The following IWS1 variants were observed in gnomAD, a reference collection of about 807,000 sequenced individuals.
IWS1 encodes interacts with SUPT6H, CTD assembly factor 1, also known as protein IWS1 homolog.
IWS1 carries 27 observed loss-of-function variants against 86.7 expected under a neutral mutation model. The observed-to-expected ratio is 0.31, with a 90% CI of 0.23 to 0.43. The LOEUF (loss-of-function observed/expected upper bound fraction) is 0.43, where lower values mean the gene tolerates loss of function less well. Ranked by LOEUF, IWS1 falls within the 20% of genes least tolerant of loss-of-function variation. The pLI, the probability that IWS1 is intolerant of heterozygous loss-of-function variation, is 1.00. For missense variants in IWS1, 827 were observed against 1,000.8 expected, an observed-to-expected ratio of 0.83 and a Z score of 2.34; for synonymous variants, 313 against 335.1, an observed-to-expected ratio of 0.93 and a Z score of 0.72.
intron 2 of IWS1, among the ~76,000 whole-genome samples, chr2:127,512,153 T>C (rs1232073259): frequency 6.6e-6 from 1 of 152,202 alleles, no homozygotes; most frequent in Non-Finnish European, 1.5e-5. Flanking sequence ...TACTTCTATA[T>C]ATAGATAAAA....
chr2:127,525,659 G>A (rs1053531328), intron 1 of IWS1, among the ~76,000 whole-genome samples: 1 of 152,178 alleles, frequency 6.6e-6, no homozygotes, highest in African/African-American at 2.4e-5. Context: ...AGGAGGAAGA[G>A]GAACGATCTC....
In IWS1 at chr2:127,489,891, T is replaced by G. The variant is rs1391940843; in HGVS notation, c.2100A>C (p.Thr700=). The change falls in exon 11 of 14, where the codon ACA becomes ACC. Residue 700 remains threonine, a synonymous_variant. Transcript: ENST00000295321. This position sits in a 1 kb window ranked among gnomAD's most constrained non-coding sequence, Gnocchi z 4.8. Reference sequence around the variant, plus strand: ...GATCTCTCTGCTCCCTTTCTTCTCTTGTCATTCCTTTGTAGTTTGAGGTAA... The same window carrying G: ...GATCTCTCTGCTCCCTTTCTTCTCTGGTCATTCCTTTGTAGTTTGAGGTAA... ...FGLTSNYKGM[T]REEREQRDLE... 6.2e-7 allele frequency: 1 copy of G among 1,613,174 alleles called. No homozygotes were observed. The highest frequency in any genetic ancestry group is 8.5e-7 in the Non-Finnish European group (1 of 1,179,118).
At chr2:127,482,841 T>G (rs1689703907) in intron 13 of IWS1, 1 of 152,156 alleles carries the variant, frequency 6.6e-6, no homozygotes, top group Non-Finnish European at 1.5e-5. Flanking sequence ...ACGCTACACT[T>G]CCTTAGAAAT....
At chr2:127,518,022 C>G (rs56100618) in intron 2 of IWS1, among the ~76,000 whole-genome samples, 20,665 of 152,016 alleles carry the variant, frequency 0.14, 1,704 homozygotes, top group South Asian at 0.3. Context: ...TTCTATGAGA[C>G]AGAAAGTATA....
rs1690246325 is a variant in IWS1 at position 127,491,880 on chromosome 2, A to C, written c.2047+91T>G. On this transcript the variant is annotated intron_variant, in intron 10 of 13. Transcript: ENST00000295321. ...TCCACTTTACCGACTCGTTTAAAAC[A>C]AATACTGGTAAAAATACAGCTTTTA... The C allele has an allele frequency of 1.1e-5, 9 of 796,592 alleles. No homozygotes were observed. In the East Asian group the frequency reaches 2.2e-4, roughly 20 times the overall value. 49.3% of individuals were successfully genotyped at this position (796,592 alleles called of 1,614,324 possible). A position where few individuals can be genotyped will look rare whatever the true frequency, so the allele number is the denominator to read the frequency against.
chr2:127,523,751 T>G lies in IWS1; in HGVS notation c.75A>C (p.Ser25=). 2 of 1,613,986 alleles carry G rather than the reference T, an allele frequency of 1.2e-6. No individual in the cohort carries two copies. The highest frequency in any genetic ancestry group is 1.7e-6 in the Non-Finnish European group (2 of 1,179,952). Reference sequence around the variant, plus strand: ...TTACATCATCCTCACCGTCTGACCCTGAATCCCGTTCATCCTGTACTGGGG... The same window carrying G: ...TTACATCATCCTCACCGTCTGACCCGGAATCCCGTTCATCCTGTACTGGGG... ...GATPVQDERD[S]GSDGEDDVNE... is the part of the protein sequence containing the mutation. Residue 25 remains serine (S), a synonymous_variant, in exon 2 of 14, where the codon TCA becomes TCC. Coordinates refer to ENST00000295321, the MANE Select transcript of IWS1 (RefSeq NM_017969.3).
chr2:127,501,531 C>A (rs1387180875), intron 5 of IWS1, among the ~76,000 whole-genome samples: 2 of 152,130 alleles, frequency 1.3e-5, no homozygotes, highest in Non-Finnish European at 2.9e-5. Flanking sequence ...CCTCTCCTTT[C>A]ATTATTCCAA....
rs760421795 is a variant in IWS1 at position 127,491,998 on chromosome 2, T to C, written c.2020A>G (p.Asn674Asp). The C allele has an allele frequency of 6.2e-7, 1 of 1,612,774 alleles. No individual in the cohort carries two copies. The highest frequency in any genetic ancestry group is 8.5e-7 in the Non-Finnish European group (1 of 1,178,750). Residue 674 changes from asparagine (N) to aspartate (D), a missense_variant, in exon 10 of 14, where the codon AAC (asparagine) becomes GAC (aspartate). Coordinates refer to ENST00000295321, the MANE Select transcript of IWS1 (RefSeq NM_017969.3). ...ATTAATTTCCCTGCCATGTCCTTGT[T>C]AGACCTTGACTCCTTGGGGTGTTTA... ...LYKHPKESRS[N>D]KDMAGKLINE...
intron 2 of IWS1, chr2:127,514,634 T>C (rs966833170): frequency 3.9e-5 from 6 of 152,314 alleles, no homozygotes; most frequent in Non-Finnish European, 7.3e-5. Context: ...CCCCCTCGTC[T>C]GGACACCGGT....
chr2:127,526,321 CCGGAGAACTTAA>C lies in IWS1; in HGVS notation c.-125_-114del. 6.5e-7 allele frequency: 1 copy of C among 1,540,086 alleles called. No homozygotes were observed. The highest frequency in any genetic ancestry group is 2.0e-5 in the Admixed American group (1 of 51,004). ...TAAGTGTTCAGAGACTGCCGCCCGA[CCGGAGAACTTAA>C]CGGGTGCGGAGGGTAAGAAAGCGGT... On this transcript the variant is annotated 5_prime_UTR_variant, in exon 1 of 14. The change abolishes the stop of an existing upstream ORF in the 5' untranslated region. Transcript: ENST00000295321.
intron 3 of IWS1, among the ~76,000 whole-genome samples, chr2:127,504,204 T>C (rs1257001001): frequency 1.3e-5 from 2 of 152,220 alleles, no homozygotes; most frequent in African/African-American, 4.8e-5. Flanking sequence ...AGAGAGATGG[T>C]GTCTCTAAAT....
chr2:127,483,591 T>TGGGGGGGGG (rs1187157658), intron 13 of IWS1, among the ~76,000 whole-genome samples: 3 of 17,520 alleles, frequency 1.7e-4, no homozygotes, highest in African/African-American at 2.4e-4. Context: ...GGTGGTGGGG[T>TGGGGGGGGG]GGGGGGGTTG....
chr2:127,482,031 A>G (rs1214487504), intron 13 of IWS1, among the ~76,000 whole-genome samples: 4 of 152,214 alleles, frequency 2.6e-5, no homozygotes, highest in African/African-American at 9.6e-5. Context: ...AGAAACTGCC[A>G]TCTTTTAGAA....
intron 2 of IWS1, among the ~76,000 whole-genome samples, chr2:127,507,077 A>G (rs2104708758): frequency 6.6e-6 from 1 of 152,338 alleles, no homozygotes; most frequent in South Asian, 2.1e-4. Context: ...AAGCTATGTG[A>G]ACCTACCACA....
intron 9 of IWS1, 74 bp downstream of exon 9, chr2:127,493,207 A>G: frequency 1.5e-6 from 2 of 1,337,796 alleles, no homozygotes; most frequent in Non-Finnish European, 2.0e-6. Context: ...AAAACACTGT[A>G]AACTACACAG....
chr2:127,491,885 C>A, intron 10 of IWS1, 86 bp downstream of exon 10: 1 of 803,902 alleles, frequency 1.2e-6, no homozygotes, highest in Non-Finnish European at 2.1e-6. Context: ...AAAACAAATA[C>A]TGGTAAAAAT....
chr2:127,510,149 A>T (rs1691369500), intron 2 of IWS1, among the ~76,000 whole-genome samples: 1 of 152,190 alleles, frequency 6.6e-6, no homozygotes, highest in Non-Finnish European at 1.5e-5. Flanking sequence ...CTATAGGACC[A>T]TTTTCAAAAA....
rs145249996 is a variant in IWS1, at chr2:127,500,946, T to G, written c.1467+1869A>C. On this transcript the variant is annotated intron_variant, in intron 5 of 13. Coordinates refer to ENST00000295321, the MANE Select transcript of IWS1 (RefSeq NM_017969.3). ...AACTTATCAGTTTACTAATGTACAT[T>G]CATACACATTTGCAAAGGCCTATGA... Among the ~76,000 whole-genome samples, 1,000 of 152,336 alleles carry G rather than the reference T, an allele frequency of 6.6e-3. 14 individuals carry two copies. Among genetic ancestry groups the G allele is most frequent in the African/African-American group, 0.023 (957 of 41,570 alleles).
intron 8 of IWS1, among the ~76,000 whole-genome samples, chr2:127,493,836 C>CAAA (rs35810945): frequency 2.2e-5 from 2 of 93,022 alleles, no homozygotes; most frequent in African/African-American, 3.7e-5. Flanking sequence ...ACTGGCAGGA[C>CAAA]AAAAAAAAAA....
Sources: gnomAD v4.1 joint callset for allele counts (sites outside exome capture counted in the v4.1 genomes callset) on GRCh38, gnomAD v4.1.1 for gene constraint, Gnocchi (gnomAD v3.1) non-coding constraint, MANE v1.5 for transcripts, NCBI Gene and HGNC (gene_info 2026-07-23, HGNC 2026-07-21) for gene names.